IRGQ: variants seen among roughly 807,000 people sequenced by gnomAD.
IRGQ encodes immunity related GTPase Q, also known as immunity-related GTPase family Q protein.
Under a neutral mutation model 10.5 loss-of-function variants are expected in IRGQ, and 5 were observed. That is an observed-to-expected ratio of 0.48 (90% CI 0.25 to 1.00). The LOEUF (loss-of-function observed/expected upper bound fraction) is 1.00, where lower values mean the gene tolerates loss of function less well. IRGQ is among the 50% of genes least tolerant of loss of function. The pLI, the probability that IRGQ is intolerant of heterozygous loss-of-function variation, is 0.16. For missense variants in IRGQ, 792 were observed against 877.7 expected (o/e 0.90, Z 1.23); for synonymous variants, 418 against 426.0 (o/e 0.98, Z 0.23).
rs1361116394 is a variant in IRGQ, at chr19:43,595,121, G to A, written c.218C>T (p.Ala73Val). ...CACCAGTACCAGCACGTTGGCTTCC[G>A]CCGCCCAGGGCCCCGGCGCTGCGGG... is the stretch of plus-strand genomic sequence containing the variant. ...CPPAAPGPWA[A>V]EANVLVLVLP... Residue 73 changes from alanine (A) to valine (V), a missense_variant, in exon 2 of 3, where the codon GCG (alanine) becomes GTG (valine). Coordinates refer to ENST00000422989, the MANE Select transcript of IRGQ (RefSeq NM_001007561.3). The A allele has an allele frequency of 2.5e-6, 4 of 1,598,986 alleles. No individual in the cohort carries two copies. The South Asian group carries it at 4.4e-5, about 18-fold the overall frequency.
rs780495225 is a variant in IRGQ, at chr19:43,594,939, G to C, written c.400C>G (p.Leu134Val). 5 of 1,614,092 alleles carry C rather than the reference G, an allele frequency of 3.1e-6. No homozygotes were observed. The highest frequency in any genetic ancestry group is 4.2e-6 in the Non-Finnish European group (5 of 1,179,964). Residue 134 changes from leucine to valine, a missense_variant, in exon 2 of 3, where the codon CTG (leucine) becomes GTG (valine). Coordinates refer to ENST00000422989, the MANE Select transcript of IRGQ (RefSeq NM_001007561.3). ...AAQARDQTAALLNSAGLGAAD... is the reference protein window; with the variant it reads ...AAQARDQTAAVLNSAGLGAAD... ...GCTCCTAACCCCGCGCTGTTCAGCA[G>C]AGCTGCTGTCTGATCACGGGCCTGG...
In IRGQ at chr19:43,588,823, T is replaced by G. The variant is rs976203537; in HGVS notation, c.*3203A>C. The G allele has an allele frequency of 6.6e-6, 1 of 152,266 alleles. No homozygotes were observed. The highest frequency in any genetic ancestry group is 1.5e-5 in the Non-Finnish European group (1 of 68,046). The allele number at this position is 152,266 out of a possible 1,614,324, so 9.4% of individuals were successfully genotyped here. A position where few individuals can be genotyped will look rare whatever the true frequency, so the allele number is the denominator to read the frequency against. On this transcript the variant is annotated 3_prime_UTR_variant, in exon 3 of 3. Transcript: ENST00000422989. ...CCATCACGTGGCTGACATGCCTGAT[T>G]GCAGGGCTTAGACACTAATATGATG...
Position 43,593,076 on chromosome 19 carries a change from G to C in IRGQ, c.822C>G (p.Leu274=). The C allele has an allele frequency of 1.3e-6, 2 of 1,597,368 alleles. No homozygotes were observed. Among genetic ancestry groups the C allele is most frequent in the Non-Finnish European group, 1.7e-6 (2 of 1,168,528 alleles). ...FPAPERPNVV[L]WTVPLGHTGT... ...CCGTGTGGCCCAGAGGCACGGTCCA[G>C]AGCACCACATTCGGGCGCTCTGGGG... The change falls in exon 3 of 3, where the codon CTC becomes CTG. Residue 274 remains leucine (L), a synonymous_variant. Coordinates refer to ENST00000422989, the MANE Select transcript of IRGQ (RefSeq NM_001007561.3). This position sits in a 1 kb window ranked among gnomAD's most constrained non-coding sequence, Gnocchi z 6.4.
chr19:43,594,508 A>T (rs1803473943), intron 2 of IRGQ, among the ~76,000 whole-genome samples: 1 of 151,370 alleles, frequency 6.6e-6, no homozygotes, highest in South Asian at 2.1e-4. Context: ...GCGGCACTGC[A>T]CTCCAGCCTG....
In IRGQ at chr19:43,590,735, A is replaced by T. The variant is rs1295317190; in HGVS notation, c.*1291T>A. The T allele has an allele frequency of 6.6e-6, 1 of 152,430 alleles. No homozygotes were observed. 9.4% of individuals were successfully genotyped at this position (152,430 alleles called of 1,614,324 possible). On this transcript the variant is annotated 3_prime_UTR_variant, in exon 3 of 3. Coordinates refer to ENST00000422989, the MANE Select transcript of IRGQ (RefSeq NM_001007561.3). Reference sequence around the variant, plus strand: ...ATACCAGGAGAAAAAGGCCAAAAAAAGATAGAAACTCCTAAAGAAAAGAGA... The same window carrying T: ...ATACCAGGAGAAAAAGGCCAAAAAATGATAGAAACTCCTAAAGAAAAGAGA...
chr19:43,594,207 G>C (rs781382384), intron 2 of IRGQ, among the ~76,000 whole-genome samples: 1 of 152,218 alleles, frequency 6.6e-6, no homozygotes, highest in East Asian at 1.9e-4. Context: ...AGAGTCTCAC[G>C]ACTGTAATCC....
In IRGQ at chr19:43,586,195, T is replaced by C. The variant is rs552095287; in HGVS notation, c.*5831A>G. The C allele has an allele frequency of 2.6e-5, 4 of 152,364 alleles. No homozygotes were observed. In the East Asian group the frequency reaches 7.7e-4, roughly 29 times the overall value. 9.4% of individuals were successfully genotyped at this position (152,364 alleles called of 1,614,324 possible). On this transcript the variant is annotated 3_prime_UTR_variant, in exon 3 of 3. Coordinates refer to ENST00000422989, the MANE Select transcript of IRGQ (RefSeq NM_001007561.3). ...CCTGCCTTCAAGGGTCTTCCAGCCCTGTGGTGCCATGCAGACACACTTCAG... is the reference window on the plus strand; with the variant it reads ...CCTGCCTTCAAGGGTCTTCCAGCCCCGTGGTGCCATGCAGACACACTTCAG...
Position 43,585,947 on chromosome 19 carries a change from T to C in IRGQ, c.*6079A>G, listed in dbSNP as rs964133425. The C allele has an allele frequency of 6.6e-6, 1 of 152,178 alleles. No individual in the cohort carries two copies. Among genetic ancestry groups the C allele is most frequent in the Non-Finnish European group, 1.5e-5 (1 of 68,032 alleles). The allele number at this position is 152,178 out of a possible 1,614,324, so 9.4% of individuals were successfully genotyped here. A position where few individuals can be genotyped will look rare whatever the true frequency, so the allele number is the denominator to read the frequency against. On this transcript the variant is annotated 3_prime_UTR_variant, in exon 3 of 3. Coordinates refer to ENST00000422989, the MANE Select transcript of IRGQ (RefSeq NM_001007561.3). ...GAACAGACACGCAATAGGATTTCTA[T>C]TCATTTTTATTCATTCCTCCAAAGA... is the stretch of plus-strand genomic sequence containing the variant.
chr19:43,592,547 G>C lies in IRGQ; in HGVS notation c.1351C>G (p.Pro451Ala). 1 of 1,596,946 alleles carries C rather than the reference G, an allele frequency of 6.3e-7. No individual in the cohort carries two copies. Among genetic ancestry groups the C allele is most frequent in the Non-Finnish European group, 8.5e-7 (1 of 1,178,534 alleles). ...AGCAGTGCCCCTGCCTGGGCTGGGG[G>C]GAGCGCTCGCCGCAGCCATTCGCAT... The part of the protein sequence containing the change: ...GLCEWLRRAL[P>A]PAQAGALLLA... Residue 451 changes from proline to alanine, a missense_variant, in exon 3 of 3, where the codon CCC (proline) becomes GCC (alanine). Coordinates refer to ENST00000422989, the MANE Select transcript of IRGQ (RefSeq NM_001007561.3).
At position 43,595,324 on chromosome 19, in the gene IRGQ, C is replaced by A; in HGVS notation, c.15G>T (p.Gln5His). Residue 5 changes from glutamine (Q) to histidine (H), a missense_variant, in exon 2 of 3, where the codon CAG becomes CAT. Transcript: ENST00000422989. ...CCAGGAACAAGGCGGTCACGTCACCCTGCGGCGGAGGCATGGCTGGAAAGC... is the reference window on the plus strand; with the variant it reads ...CCAGGAACAAGGCGGTCACGTCACCATGCGGCGGAGGCATGGCTGGAAAGC... MPPP[Q>H]GDVTALFLGP... 1.3e-6 allele frequency: 2 copies of A among 1,556,410 alleles called. No homozygotes were observed. The highest frequency in any genetic ancestry group is 1.7e-6 in the Non-Finnish European group (2 of 1,153,164).
In IRGQ at chr19:43,589,343, C is replaced by T. The variant is rs532599303; in HGVS notation, c.*2683G>A. 20 of 152,288 alleles carry T rather than the reference C, an allele frequency of 1.3e-4. No individual in the cohort carries two copies. Among genetic ancestry groups the T allele is most frequent in the African/African-American group, 4.6e-4 (19 of 41,544 alleles). The allele number at this position is 152,288 out of a possible 1,614,324, so 9.4% of individuals were successfully genotyped here. ...CATTTAGGCTGGGTGTGGTGGCTCA[C>T]ACCTGTAATCCCATCAAGGCAGGAG... On this transcript the variant is annotated 3_prime_UTR_variant, in exon 3 of 3. Transcript: ENST00000422989.
chr19:43,594,611 A>G (rs879653857), intron 2 of IRGQ, among the ~76,000 whole-genome samples, 198 bp downstream of exon 2: 4 of 152,098 alleles, frequency 2.6e-5, no homozygotes, highest in Non-Finnish European at 5.9e-5. Flanking sequence ...AGGCGGGAGT[A>G]TTGCTTAAGG....
chr19:43,595,214 G>C lies in IRGQ; in HGVS notation c.125C>G (p.Pro42Arg), dbSNP rs759006141. Residue 42 changes from proline (P) to arginine (R), a missense_variant, in exon 2 of 3, where the codon CCG (proline) becomes CGG (arginine). Physicochemically the swap from Pro to Arg is moderately radical, Grantham distance 103. Transcript: ENST00000422989. ...VETLEAPEGR[P>R]DSGVPSLRAA... ...TCTTAGGCTGGGAACCCCGGAGTCCGGCCGTCCCTCGGGGGCCTCGAGCGT... is the reference window on the plus strand; with the variant it reads ...TCTTAGGCTGGGAACCCCGGAGTCCCGCCGTCCCTCGGGGGCCTCGAGCGT... The C allele has an allele frequency of 6.2e-7, 1 of 1,612,428 alleles. No individual in the cohort carries two copies. Among genetic ancestry groups the C allele is most frequent in the Non-Finnish European group, 8.5e-7 (1 of 1,179,726 alleles).
At position 43,591,520 on chromosome 19, in the gene IRGQ, GGTCTAGAT is replaced by G. The variant is rs1463170555; in HGVS notation, c.*498_*505del. 2 of 152,988 alleles carry G rather than the reference GGTCTAGAT, an allele frequency of 1.3e-5. No individual in the cohort carries two copies. Among genetic ancestry groups the G allele is most frequent in the African/African-American group, 2.4e-5 (1 of 41,452 alleles). The allele number at this position is 152,988 out of a possible 1,614,324, so 9.5% of individuals were successfully genotyped here. A position where few individuals can be genotyped will look rare whatever the true frequency, so the allele number is the denominator to read the frequency against. ...CCACCAACTCCCTTCAGGACAGAAG[GGTCTAGAT>G]GTCATTCACCATGGTTCCCAAAGGT... On this transcript the variant is annotated 3_prime_UTR_variant, in exon 3 of 3. Transcript: ENST00000422989.
chr19:43,591,855 GAAAAAA>G lies in IRGQ; in HGVS notation c.*165_*170del. ...AAGAGACTTCGTCTCACAAAAAAAA[GAAAAAA>G]AAAAAAAAAAATCAGGATTCCTGTC... On this transcript the variant is annotated 3_prime_UTR_variant, in exon 3 of 3. Transcript: ENST00000422989. 3 of 472,332 alleles carry G rather than the reference GAAAAAA, an allele frequency of 6.4e-6. No individual in the cohort carries two copies. Among genetic ancestry groups the G allele is most frequent in the Non-Finnish European group, 1.0e-5 (3 of 288,090 alleles). 29.3% of individuals were successfully genotyped at this position (472,332 alleles called of 1,614,324 possible). A position where few individuals can be genotyped will look rare whatever the true frequency, so the allele number is the denominator to read the frequency against.
rs759519704 is a variant in IRGQ at position 43,595,687 on chromosome 19, G to C, written c.-3+295C>G. 2.0e-5 allele frequency among the ~76,000 whole-genome samples: 3 copies of C among 152,058 alleles called. No homozygotes were observed. In the South Asian group the frequency reaches 6.3e-4, roughly 32 times the overall value. ...GAGACCAGCCTGGCCAACATGTGGG[G>C]GGACTCTCTGGTAGAGTCTCCGTCT... On this transcript the variant is annotated intron_variant, in intron 1 of 2. Transcript: ENST00000422989.
In IRGQ at chr19:43,594,927, C is replaced by A. The variant is rs923871621; in HGVS notation, c.412G>T (p.Ala138Ser). Residue 138 changes from alanine (A) to serine (S), a missense_variant, in exon 2 of 3, where the codon GCG becomes TCG. Ala to Ser is a moderately conservative substitution (Grantham distance 99, BLOSUM62 1). Transcript: ENST00000422989. Reference protein sequence around the residue: ...RDQTAALLNSAGLGAADLFVL... With the variant: ...RDQTAALLNSSGLGAADLFVL... Reference sequence around the variant, plus strand: ...AACAGATCCGCAGCTCCTAACCCCGCGCTGTTCAGCAGAGCTGCTGTCTGA... The same window carrying A: ...AACAGATCCGCAGCTCCTAACCCCGAGCTGTTCAGCAGAGCTGCTGTCTGA... 1 of 1,614,068 alleles carries A rather than the reference C, an allele frequency of 6.2e-7. No individual in the cohort carries two copies. The highest frequency in any genetic ancestry group is 2.2e-5 in the East Asian group (1 of 44,872).
At position 43,589,399 on chromosome 19, in the gene IRGQ, T is replaced by C. The variant is rs1973030198; in HGVS notation, c.*2627A>G. ...CTTGAGGCCAGGAGTTCAACACTAG[T>C]GTGGGCTACAAAGCAAGACCCCCGT... On this transcript the variant is annotated 3_prime_UTR_variant, in exon 3 of 3. Coordinates refer to ENST00000422989, the MANE Select transcript of IRGQ (RefSeq NM_001007561.3). The C allele has an allele frequency of 6.6e-6, 1 of 152,092 alleles. No individual in the cohort carries two copies. Among genetic ancestry groups the C allele is most frequent in the South Asian group, 2.1e-4 (1 of 4,828 alleles). 9.4% of individuals were successfully genotyped at this position (152,092 alleles called of 1,614,324 possible).
chr19:43,595,482 A>G (rs1214071926), intron 1 of IRGQ, 142 bp from the exon 2 acceptor site: 8 of 666,108 alleles, frequency 1.2e-5, no homozygotes, highest in African/African-American at 1.9e-5. Context: ...GACCTAAAAA[A>G]TCCAGAGCCC....
Sources: allele counts gnomAD v4.1 joint callset (sites outside exome capture counted in the v4.1 genomes callset), GRCh38; gene constraint gnomAD v4.1.1; non-coding constraint Gnocchi (gnomAD v3.1); transcripts MANE v1.5; gene names NCBI Gene and HGNC (gene_info 2026-07-23, HGNC 2026-07-21).